LCA5: variants seen among roughly 807,000 people sequenced by gnomAD.
LCA5 encodes the protein lebercilin.
LCA5 carries 37 observed loss-of-function variants against 53.0 expected under a neutral mutation model. The observed-to-expected ratio is 0.70, with a 90% CI of 0.54 to 0.92. The LOEUF (loss-of-function observed/expected upper bound fraction) is 0.92, where lower values mean the gene tolerates loss of function less well. Among genes scored for constraint, LCA5 ranks in the 40% least tolerant of loss-of-function variants. LCA5 has a pLI of 0.00. For synonymous variants in LCA5, 303 were observed against 282.9 expected, an observed-to-expected ratio of 1.07 and a Z score of -0.71; for missense variants, 806 against 790.5, an observed-to-expected ratio of 1.02 and a Z score of -0.23.
At chr6:79,512,081 C>T (rs892417391) in intron 3 of LCA5, among the ~76,000 whole-genome samples, 6 of 152,114 alleles carry the variant, frequency 3.9e-5, no homozygotes, top group South Asian at 2.1e-4. Flanking sequence ...CTGTGCGCTT[C>T]GTAATTTTAA....
chr6:79,512,007 T>C (rs1041225449), intron 3 of LCA5, among the ~76,000 whole-genome samples: 8 of 152,138 alleles, frequency 5.3e-5, no homozygotes, highest in Admixed American at 1.3e-4. Flanking sequence ...CAATTTCATG[T>C]TCTCTCTCTA....
intron 1 of LCA5, among the ~76,000 whole-genome samples, chr6:79,523,601 T>C (rs1766691648): frequency 6.6e-6 from 1 of 152,238 alleles, no homozygotes; most frequent in Non-Finnish European, 1.5e-5. Flanking sequence ...TGATGTTCTT[T>C]GTCAACAACT....
chr6:79,490,330 C>T (rs1418387332), intron 6 of LCA5, among the ~76,000 whole-genome samples: 1 of 151,994 alleles, frequency 6.6e-6, no homozygotes, highest in Non-Finnish European at 1.5e-5. Flanking sequence ...TTCATGATTA[C>T]TCATTGTCAC....
intron 3 of LCA5, among the ~76,000 whole-genome samples, chr6:79,502,906 A>T (rs750004483): frequency 6.6e-4 from 100 of 152,042 alleles, no homozygotes; most frequent in Non-Finnish European, 1.1e-3. Context: ...CTTGAGACAG[A>T]GTCTCACTCT....
intron 4 of LCA5, among the ~76,000 whole-genome samples, 166 bp downstream of exon 4, chr6:79,493,447 T>C (rs987882686): frequency 3.3e-5 from 5 of 152,060 alleles, no homozygotes; most frequent in Non-Finnish European, 7.4e-5. Flanking sequence ...CACTTTGTTA[T>C]AGTAATTATA....
At chr6:79,520,710 A>G (rs1488027754) in intron 1 of LCA5, among the ~76,000 whole-genome samples, 1 of 152,186 alleles carries the variant, frequency 6.6e-6, no homozygotes, top group Non-Finnish European at 1.5e-5. Context: ...TGGTCTTACA[A>G]ACTATAAACA....
intron 7 of LCA5, 108 bp downstream of exon 7, chr6:79,488,976 T>C: frequency 1.6e-6 from 2 of 1,270,830 alleles, no homozygotes; most frequent in Non-Finnish European, 2.3e-6. Context: ...CTTTCTTTGT[T>C]CTACCTAAGC....
chr6:79,537,817 A>C (rs966184669), upstream of LCA5, among the ~76,000 whole-genome samples: 1 of 152,140 alleles, frequency 6.6e-6, no homozygotes, highest in Non-Finnish European at 1.5e-5. Flanking sequence ...AATTGTAAAC[A>C]AATTACAAAC....
At chr6:79,503,886 A>T (rs1467899751) in intron 3 of LCA5, among the ~76,000 whole-genome samples, 2 of 152,262 alleles carry the variant, frequency 1.3e-5, no homozygotes, top group African/African-American at 4.8e-5. Context: ...TCTAATTAAA[A>T]TATAAGCTAA....
chr6:79,534,004 A>AT (rs1157948774), intron 1 of LCA5, among the ~76,000 whole-genome samples: 2 of 150,782 alleles, frequency 1.3e-5, no homozygotes, highest in East Asian at 3.9e-4. Flanking sequence ...AAAAGATGAG[A>AT]TAAAAGTAAA....
chr6:79,513,743 TA>T lies in LCA5; in HGVS notation c.191-3del, dbSNP rs754019441. On this transcript the variant is annotated splice_polypyrimidine_tract_variant and splice_region_variant and intron_variant, in intron 2 of 7. Coordinates refer to ENST00000369846, the MANE Select transcript of LCA5 (RefSeq NM_001122769.3). ...CCTTAGGGCTTGGTTTCCGAGGGGC[TA>T]AAAAAGAAACAGGAATAATGTAAAG... 5 of 1,613,118 alleles carry T rather than the reference TA, an allele frequency of 3.1e-6. No homozygotes were observed. Among genetic ancestry groups the T allele is most frequent in the Non-Finnish European group, 4.2e-6 (5 of 1,179,398 alleles).
At chr6:79,510,065 A>G (rs2575197) in intron 3 of LCA5, among the ~76,000 whole-genome samples, 70,770 of 152,008 alleles carry the variant, frequency 0.47, 17,352 homozygotes, top group East Asian at 0.82. Context: ...TTAAAATGAG[A>G]TATAACATGA....
At chr6:79,538,368 T>C (rs1341734626), upstream of LCA5, among the ~76,000 whole-genome samples, 1 of 152,224 alleles carries the variant, frequency 6.6e-6, no homozygotes, top group African/African-American at 2.4e-5. Context: ...ACCTCGTTTT[T>C]CCACCTTTGC....
chr6:79,511,271 C>G (rs1276125401), intron 3 of LCA5, among the ~76,000 whole-genome samples: 2 of 152,114 alleles, frequency 1.3e-5, no homozygotes, highest in African/African-American at 2.4e-5. Flanking sequence ...CCATAATACT[C>G]CATAGTACAT....
chr6:79,518,705 C>T lies in LCA5; in HGVS notation c.190G>A (p.Ala64Thr). 1 of 1,613,978 alleles carries T rather than the reference C, an allele frequency of 6.2e-7. No individual in the cohort carries two copies. The highest frequency in any genetic ancestry group is 8.5e-7 in the Non-Finnish European group (1 of 1,179,924). The change falls in exon 2 of 8, where the codon GCC becomes ACC. Residue 64 changes from alanine (A) to threonine (T), a missense_variant and splice_region_variant. Ala to Thr is a moderately conservative substitution (Grantham distance 58). Coordinates refer to ENST00000369846, the MANE Select transcript of LCA5 (RefSeq NM_001122769.3). ...QTSDGQVHHQAPRKPSPKGLP... is the reference protein window; with the variant it reads ...QTSDGQVHHQTPRKPSPKGLP... Reference sequence around the variant, plus strand: ...CCAGACTCTTTTAAAGAATGCTTACCTTGGTGATGTACTTGGCCATCTGAA... The same window carrying T: ...CCAGACTCTTTTAAAGAATGCTTACTTTGGTGATGTACTTGGCCATCTGAA...
intron 3 of LCA5, among the ~76,000 whole-genome samples, chr6:79,504,741 A>T (rs1052371370): frequency 6.6e-6 from 1 of 152,154 alleles, no homozygotes; most frequent in Non-Finnish European, 1.5e-5. Flanking sequence ...TCATATTATG[A>T]TATATCTACA....
At chr6:79,527,669 T>C (rs1766831568) in intron 1 of LCA5, among the ~76,000 whole-genome samples, 1 of 152,122 alleles carries the variant, frequency 6.6e-6, no homozygotes, top group Non-Finnish European at 1.5e-5. Context: ...AAGAATAAAC[T>C]ACATCTGTCC....
chr6:79,533,750 T>C (rs763753157), intron 1 of LCA5, among the ~76,000 whole-genome samples: 1 of 151,680 alleles, frequency 6.6e-6, no homozygotes, highest in Non-Finnish European at 1.5e-5. Flanking sequence ...TATATAAATA[T>C]CATAATGATA....
intron 3 of LCA5, among the ~76,000 whole-genome samples, chr6:79,497,115 AG>A (rs961008453): frequency 6.6e-5 from 10 of 152,210 alleles, no homozygotes; most frequent in Non-Finnish European, 1.2e-4. Flanking sequence ...CAAGCAAAAA[AG>A]TTAAGAATTT....
Sources: allele counts gnomAD v4.1 joint callset (sites outside exome capture counted in the v4.1 genomes callset), GRCh38; gene constraint gnomAD v4.1.1; transcripts MANE v1.5; gene names NCBI Gene and HGNC (gene_info 2026-07-23, HGNC 2026-07-21).